Variants in MAF observed in about 807,000 individuals in gnomAD.
MAF encodes MAF bZIP transcription factor, also known as transcription factor Maf.
A neutral mutation model predicts 22.0 loss-of-function variants in MAF; 10 were observed. The ratio of observed to expected loss-of-function variants is 0.45; its 90% CI spans 0.28 to 0.77. The LOEUF (loss-of-function observed/expected upper bound fraction) is 0.77, where lower values mean the gene tolerates loss of function less well. Among genes scored for constraint, MAF ranks in the 30% least tolerant of loss-of-function variants. The pLI is 0.12. For missense variants in MAF, 544 were observed against 548.4 expected (o/e 0.99, Z 0.08); for synonymous variants, 337 against 255.8 (o/e 1.32, Z -3.03).
chr16:79,471,267 T>A, the MAF span, among the ~76,000 whole-genome samples: 478 of 152,318 alleles, frequency 3.1e-3, 3 homozygotes, highest in African/African-American at 0.011. Context: ...ATCTTACAGA[T>A]ACAAAACATC....
At chr16:79,484,305 T>G in the MAF span, among the ~76,000 whole-genome samples, 1 of 152,168 alleles carries the variant, frequency 6.6e-6, no homozygotes, top group Admixed American at 6.5e-5. Context: ...GGTGTGACAA[T>G]GCCTCCCAAC....
chr16:79,241,902 G>A, the MAF span, among the ~76,000 whole-genome samples: 1 of 152,030 alleles, frequency 6.6e-6, no homozygotes, highest in African/African-American at 2.4e-5. Flanking sequence ...CACTCTTAAA[G>A]AAAAGAATTT....
the MAF span, among the ~76,000 whole-genome samples, chr16:79,549,567 G>A: frequency 1.3e-5 from 2 of 152,232 alleles, 1 homozygote; most frequent in East Asian, 3.8e-4. Context: ...GGCATGGCCA[G>A]TGAAGCCCAG....
chr16:79,370,606 C>A, the MAF span, among the ~76,000 whole-genome samples: 1 of 152,176 alleles, frequency 6.6e-6, no homozygotes, highest in Admixed American at 6.5e-5. Context: ...TCTGCAGGAT[C>A]CTAGGGTACA....
At chr16:79,574,931 C>T in the MAF span, among the ~76,000 whole-genome samples, 1 of 152,006 alleles carries the variant, frequency 6.6e-6, no homozygotes, top group Non-Finnish European at 1.5e-5. Flanking sequence ...CCAGCAGCTT[C>T]TTGCCTTTCT....
chr16:79,311,033 T>C, the MAF span, among the ~76,000 whole-genome samples: 71 of 150,940 alleles, frequency 4.7e-4, no homozygotes, highest in African/African-American at 1.5e-3. Flanking sequence ...TTTTTTTTTT[T>C]CTGCAAAATG....
At chr16:79,586,444 G>A (rs915223826) in intron 1 of MAF, among the ~76,000 whole-genome samples, 1 of 152,170 alleles carries the variant, frequency 6.6e-6, no homozygotes, top group Non-Finnish European at 1.5e-5. Context: ...CTATCCTGCT[G>A]GCACCACTGA....
chr16:79,476,917 T>C, the MAF span, among the ~76,000 whole-genome samples: 1 of 152,160 alleles, frequency 6.6e-6, no homozygotes, highest in Non-Finnish European at 1.5e-5. Flanking sequence ...AGAGTGGCCT[T>C]TGAGAGTCGC....
In MAF at chr16:79,596,353, T is replaced by G. The variant is rs1913523689; in HGVS notation, c.1119-1800A>C. 4 of 1,059,510 alleles carry G rather than the reference T, an allele frequency of 3.8e-6. No homozygotes were observed. The East Asian group carries it at 2.1e-4, about 55-fold the overall frequency. 65.6% of individuals were successfully genotyped at this position (1,059,510 alleles called of 1,614,324 possible). A position where few individuals can be genotyped will look rare whatever the true frequency, so the allele number is the denominator to read the frequency against. ...CTCACTTCAAAAAACAGCCTATAAT[T>G]TCACCCTGAATTACTGTCTCCCTAT... On this transcript the variant is annotated intron_variant, in intron 1 of 1. Coordinates refer to ENST00000326043, the MANE Select transcript of MAF (RefSeq NM_005360.5).
the MAF span, among the ~76,000 whole-genome samples, chr16:79,509,474 G>A: frequency 6.6e-6 from 1 of 152,238 alleles, no homozygotes; most frequent in Admixed American, 6.5e-5. Context: ...TGGCAAGGAT[G>A]TTGGCAGCGG....
At chr16:79,568,731 G>A in the MAF span, among the ~76,000 whole-genome samples, 5 of 152,242 alleles carry the variant, frequency 3.3e-5, no homozygotes, top group East Asian at 5.8e-4. Flanking sequence ...ACCTTTTAGT[G>A]GACCTACAAA....
At chr16:79,450,272 G>C in the MAF span, among the ~76,000 whole-genome samples, 1 of 152,154 alleles carries the variant, frequency 6.6e-6, no homozygotes, top group Non-Finnish European at 1.5e-5. Flanking sequence ...CATTTTCAGT[G>C]CTCCTTATTA....
chr16:79,361,641 G>C, the MAF span, among the ~76,000 whole-genome samples: 1 of 152,102 alleles, frequency 6.6e-6, no homozygotes, highest in African/African-American at 2.4e-5. Flanking sequence ...AAAGGACTGT[G>C]TCACCTTTCA....
chr16:79,446,586 T>C, the MAF span, among the ~76,000 whole-genome samples: 2 of 152,118 alleles, frequency 1.3e-5, no homozygotes, highest in African/African-American at 2.4e-5. Flanking sequence ...CTAAAGGGAT[T>C]GAAGGCACGT....
At chr16:79,323,906 G>A in the MAF span, among the ~76,000 whole-genome samples, 1 of 152,270 alleles carries the variant, frequency 6.6e-6, no homozygotes, top group Non-Finnish European at 1.5e-5. Flanking sequence ...TGCCTACGGC[G>A]GGGTCAGAGA....
the MAF span, among the ~76,000 whole-genome samples, chr16:79,517,765 G>C: frequency 6.6e-6 from 1 of 152,064 alleles, no homozygotes; most frequent in Non-Finnish European, 1.5e-5. Context: ...AGTAGAGACA[G>C]GGTTTCACCA....
At chr16:79,555,180 T>A in the MAF span, among the ~76,000 whole-genome samples, 2 of 152,216 alleles carry the variant, frequency 1.3e-5, no homozygotes, top group Admixed American at 6.5e-5. Flanking sequence ...CATCACTTTG[T>A]ATTTGCTTCC....
At chr16:79,211,787 G>C in the MAF span, 2 of 1,614,118 alleles carry the variant, frequency 1.2e-6, no homozygotes, top group Non-Finnish European at 8.5e-7. Flanking sequence ...TTGGCAGCCA[G>C]TCCGGCTAAG....
At chr16:79,483,947 G>A in the MAF span, among the ~76,000 whole-genome samples, 3 of 152,198 alleles carry the variant, frequency 2.0e-5, no homozygotes, top group Non-Finnish European at 4.4e-5. Flanking sequence ...CCTCCTGGTA[G>A]AGTGGCCAAC....
Sources: allele counts gnomAD v4.1 joint callset (sites outside exome capture counted in the v4.1 genomes callset), GRCh38; gene constraint gnomAD v4.1.1; transcripts MANE v1.5; gene names NCBI Gene and HGNC (gene_info 2026-07-23, HGNC 2026-07-21).